Variants in NEGR1 observed in about 807,000 individuals in gnomAD.
NEGR1 encodes IgLON family member 4.
In NEGR1, 10 loss-of-function variants were observed where a neutral mutation model predicts 40.9. The ratio of observed to expected loss-of-function variants is 0.24; its 90% confidence interval spans 0.15 to 0.42. NEGR1 has a LOEUF of 0.42. Ranked by LOEUF, NEGR1 falls within the 10% of genes least tolerant of loss-of-function variation. The probability of loss-of-function intolerance (pLI) is 1.00; values close to 1 mark genes in which losing one functional copy is unlikely to be tolerated. For synonymous variants in NEGR1, 185 were observed against 166.8 expected (o/e 1.11, Z -0.84); for missense variants, 352 against 438.9 (o/e 0.80, Z 1.77).
In NEGR1 at chr1:72,123,225, T is replaced by G. The variant is rs377689924; in HGVS notation, c.176+159094A>C. ...TGAAATGATGGTTTAAAAACCAAAT[T>G]TGACCATTATAAATGAAAAGTTACT... On this transcript the variant is annotated intron_variant, in intron 1 of 6. Transcript: ENST00000357731. 4.0e-4 allele frequency among the ~76,000 whole-genome samples: 61 copies of G among 152,026 alleles called. No homozygotes were observed. In the South Asian group the frequency reaches 8.7e-3, roughly 22 times the overall value.
intron 6 of NEGR1, chr1:71,477,057 T>G (rs1646826062): frequency 6.6e-6 from 1 of 152,158 alleles, no homozygotes; most frequent in Non-Finnish European, 1.5e-5. Context: ...GATTATACAC[T>G]TAATATGTAC....
chr1:72,145,376 A>C (rs2100343982), intron 1 of NEGR1, among the ~76,000 whole-genome samples: 1 of 152,210 alleles, frequency 6.6e-6, no homozygotes, highest in African/African-American at 2.4e-5. Flanking sequence ...GTTTACTTCA[A>C]GTGAATTGAG....
intron 1 of NEGR1, among the ~76,000 whole-genome samples, chr1:72,240,139 C>T (rs1251162765): frequency 6.6e-6 from 1 of 151,812 alleles, no homozygotes; most frequent in Non-Finnish European, 1.5e-5. Context: ...ATGGTGACAT[C>T]GCTAATGCTT....
intron 2 of NEGR1, among the ~76,000 whole-genome samples, chr1:71,791,177 A>C (rs1657100902): frequency 6.6e-6 from 1 of 152,116 alleles, no homozygotes; most frequent in Admixed American, 6.6e-5. Flanking sequence ...TGTGGAAGGT[A>C]AATGTTGGAT....
At chr1:71,749,386 T>C (rs1454408225) in intron 3 of NEGR1, among the ~76,000 whole-genome samples, 3 of 152,258 alleles carry the variant, frequency 2.0e-5, no homozygotes, top group Non-Finnish European at 2.9e-5. Flanking sequence ...GTTGTTATTT[T>C]TCGTGAGTAA....
chr1:71,460,226 G>A (rs1051357845), intron 6 of NEGR1, among the ~76,000 whole-genome samples: 5 of 152,184 alleles, frequency 3.3e-5, no homozygotes, highest in Admixed American at 2.6e-4. Flanking sequence ...TAGCATTTCT[G>A]TGGTGGGATA....
chr1:71,661,198 T>A (rs1652042988), intron 4 of NEGR1, among the ~76,000 whole-genome samples: 2 of 152,224 alleles, frequency 1.3e-5, no homozygotes, highest in African/African-American at 4.8e-5. Context: ...TGATTTATAA[T>A]CCTTTGAGTA....
At chr1:71,437,078 G>C (rs1381515843) in intron 6 of NEGR1, among the ~76,000 whole-genome samples, 4 of 151,628 alleles carry the variant, frequency 2.6e-5, no homozygotes, top group Admixed American at 2.6e-4. Context: ...AACACTATAG[G>C]CACATAACAC....
intron 1 of NEGR1, among the ~76,000 whole-genome samples, chr1:72,003,585 G>A (rs1383630848): frequency 6.6e-6 from 1 of 150,778 alleles, no homozygotes; most frequent in African/African-American, 2.5e-5. Context: ...GAGGAATCTA[G>A]GAAGTTATCA....
chr1:71,593,014 A>C, intron 5 of NEGR1, 46 bp from the exon 6 acceptor site: 2 of 1,438,904 alleles, frequency 1.4e-6, no homozygotes, highest in Non-Finnish European at 1.9e-6. Flanking sequence ...TGTGAATACC[A>C]GTTTCATTTT....
chr1:71,755,031 C>T (rs1266775225), intron 3 of NEGR1, among the ~76,000 whole-genome samples: 2 of 152,172 alleles, frequency 1.3e-5, no homozygotes, highest in Admixed American at 6.5e-5. Flanking sequence ...CTTCATATAT[C>T]CAATTATTCA....
intron 2 of NEGR1, among the ~76,000 whole-genome samples, chr1:71,804,780 T>C (rs917989737): frequency 1.3e-5 from 2 of 152,174 alleles, no homozygotes; most frequent in Non-Finnish European, 2.9e-5. Flanking sequence ...TTGTAGAGCA[T>C]GTGTGTTTGA....
chr1:72,037,293 G>A (rs1312602921), intron 1 of NEGR1, among the ~76,000 whole-genome samples: 1 of 152,040 alleles, frequency 6.6e-6, no homozygotes, highest in East Asian at 1.9e-4. Flanking sequence ...TTGCTACATC[G>A]CCTACTAATA....
chr1:71,905,761 A>G (rs1661258067), intron 2 of NEGR1, among the ~76,000 whole-genome samples: 1 of 151,994 alleles, frequency 6.6e-6, no homozygotes, highest in Non-Finnish European at 1.5e-5. Flanking sequence ...ATGAAGGTAC[A>G]TGTGTTAAGA....
chr1:71,561,914 C>T (rs193099981), intron 6 of NEGR1, among the ~76,000 whole-genome samples: 13 of 134,132 alleles, frequency 9.7e-5, no homozygotes, highest in African/African-American at 3.0e-4. Flanking sequence ...TGTTAAATTG[C>T]CTTTTTGCTA....
chr1:71,644,471 T>G (rs1651466528), intron 4 of NEGR1, among the ~76,000 whole-genome samples: 1 of 152,008 alleles, frequency 6.6e-6, no homozygotes, highest in African/African-American at 2.4e-5. Flanking sequence ...TTGCTTTTAA[T>G]GCTAACTGTT....
At chr1:71,502,427 A>T (rs765266321) in intron 6 of NEGR1, among the ~76,000 whole-genome samples, 1 of 152,046 alleles carries the variant, frequency 6.6e-6, no homozygotes, top group Non-Finnish European at 1.5e-5. Flanking sequence ...CCTACTAGAC[A>T]CCTGATCTTG....
At chr1:71,746,543 T>C (rs1010573644) in intron 3 of NEGR1, among the ~76,000 whole-genome samples, 1 of 152,126 alleles carries the variant, frequency 6.6e-6, no homozygotes, top group African/African-American at 2.4e-5. Flanking sequence ...CTTAAGTGAC[T>C]ATCATTTGAG....
At chr1:71,458,099 T>G (rs563196734) in intron 6 of NEGR1, among the ~76,000 whole-genome samples, 1 of 152,314 alleles carries the variant, frequency 6.6e-6, no homozygotes, top group East Asian at 1.9e-4. Context: ...TCTATTTAAC[T>G]GCAAAGTTTG....
Sources: gnomAD v4.1 joint callset for allele counts (sites outside exome capture counted in the v4.1 genomes callset) on GRCh38, gnomAD v4.1.1 for gene constraint, MANE v1.5 for transcripts, NCBI Gene and HGNC (gene_info 2026-07-23, HGNC 2026-07-21) for gene names.